The following CACNA2D2 variants were observed in gnomAD, a reference collection of about 807,000 sequenced individuals.
CACNA2D2 encodes the protein calcium voltage-gated channel auxiliary subunit alpha2delta 2, also known as voltage-dependent calcium channel subunit alpha-2/delta-2.
Under a neutral mutation model 166.4 loss-of-function variants are expected in CACNA2D2, and 48 were observed. The observed-to-expected ratio is 0.29, with a 90% CI of 0.23 to 0.37. CACNA2D2 has a LOEUF of 0.37. CACNA2D2 is among the 10% of genes least tolerant of loss of function. CACNA2D2 has a pLI of 1.00. For synonymous variants in CACNA2D2, 561 were observed against 573.7 expected (o/e 0.98, Z 0.32); for missense variants, 1,122 against 1,433.0 (o/e 0.78, Z 3.50).
In CACNA2D2 at chr3:50,456,950, A is replaced by G. The variant is rs772584543; in HGVS notation, c.288+19168T>C. 2.6e-5 allele frequency among the ~76,000 whole-genome samples: 4 copies of G among 152,206 alleles called. No homozygotes were observed. In the East Asian group the frequency reaches 5.8e-4, roughly 22 times the overall value. On this transcript the variant is annotated intron_variant, in intron 2 of 37. Coordinates refer to ENST00000424201, the MANE Select transcript of CACNA2D2 (RefSeq NM_006030.4). ...GTTCACTAGTGGAATGAAGCCCCCA[A>G]ATAAAATGATAAACTGGAGCCAGGT... is the stretch of plus-strand genomic sequence containing the variant.
At chr3:50,475,322 G>C (rs944847903) in intron 2 of CACNA2D2, among the ~76,000 whole-genome samples, 7 of 151,978 alleles carry the variant, frequency 4.6e-5, no homozygotes, top group African/African-American at 1.7e-4. Context: ...TGCTGTTCCC[G>C]AGCCAACTCT....
At position 50,380,333 on chromosome 3, in the gene CACNA2D2, C is replaced by T. The variant is rs1476010025; in HGVS notation, c.843-315G>A. 6.6e-6 allele frequency among the ~76,000 whole-genome samples: 1 copy of T among 152,160 alleles called. No homozygotes were observed. Among genetic ancestry groups the T allele is most frequent in the Non-Finnish European group, 1.5e-5 (1 of 68,042 alleles). Reference sequence around the variant, plus strand: ...CTGCCTCAGGTTGGGGCCCCGAGGGCACAGTCTAGCTGTGTATGGGATGGT... The same window carrying T: ...CTGCCTCAGGTTGGGGCCCCGAGGGTACAGTCTAGCTGTGTATGGGATGGT... On this transcript the variant is annotated intron_variant, in intron 8 of 37. Coordinates refer to ENST00000424201, the MANE Select transcript of CACNA2D2 (RefSeq NM_006030.4). This position sits in a 1 kb window ranked among gnomAD's most constrained non-coding sequence, Gnocchi z 4.9.
At chr3:50,472,370 G>A (rs1485459674) in intron 2 of CACNA2D2, among the ~76,000 whole-genome samples, 2 of 152,330 alleles carry the variant, frequency 1.3e-5, no homozygotes, top group Non-Finnish European at 2.9e-5. Flanking sequence ...AGGCTTCCAT[G>A]GGTCCAGAAT....
At chr3:50,432,210 G>C (rs1305304733) in intron 3 of CACNA2D2, among the ~76,000 whole-genome samples, 1 of 152,104 alleles carries the variant, frequency 6.6e-6, no homozygotes, top group Non-Finnish European at 1.5e-5. Context: ...AGGGGTGGGG[G>C]AAGTGGCTTG....
chr3:50,403,791 C>A (rs147384589), intron 3 of CACNA2D2, among the ~76,000 whole-genome samples: 1 of 152,330 alleles, frequency 6.6e-6, no homozygotes, highest in Non-Finnish European at 1.5e-5. Flanking sequence ...GTATCCCAAG[C>A]CTGGAGTGTC....
At chr3:50,423,429 T>G (rs1056470054) in intron 3 of CACNA2D2, among the ~76,000 whole-genome samples, 8 of 152,236 alleles carry the variant, frequency 5.3e-5, no homozygotes, top group Non-Finnish European at 1.0e-4. Context: ...AGAGACTGCC[T>G]GCCCTGCTGA....
At chr3:50,406,109 G>A (rs1706696828) in intron 3 of CACNA2D2, among the ~76,000 whole-genome samples, 1 of 151,802 alleles carries the variant, frequency 6.6e-6, no homozygotes, top group African/African-American at 2.4e-5. Context: ...TGGGATCACA[G>A]GTCATTGCCC....
chr3:50,435,543 G>A (rs895488492), intron 2 of CACNA2D2, among the ~76,000 whole-genome samples: 4 of 151,292 alleles, frequency 2.6e-5, no homozygotes, highest in African/African-American at 4.9e-5. Context: ...TAAGGAGGGG[G>A]GAGAGGCAGC....
In CACNA2D2 at chr3:50,376,824, A is replaced by C. The variant is rs1705023364; in HGVS notation, c.1627-636T>G. ...CACACCTCTCCCCCTTCCACAGGCCAAGATGCAGACTCCCTGACCGCAGGC... is the reference window on the plus strand; with the variant it reads ...CACACCTCTCCCCCTTCCACAGGCCCAGATGCAGACTCCCTGACCGCAGGC... On this transcript the variant is annotated intron_variant, in intron 17 of 37. Coordinates refer to ENST00000424201, the MANE Select transcript of CACNA2D2 (RefSeq NM_006030.4). This position sits in a 1 kb window ranked among gnomAD's most constrained non-coding sequence, Gnocchi z 4.3. 6.6e-6 allele frequency among the ~76,000 whole-genome samples: 1 copy of C among 152,190 alleles called. No homozygotes were observed. Among genetic ancestry groups the C allele is most frequent in the South Asian group, 2.1e-4 (1 of 4,834 alleles).
In CACNA2D2 at chr3:50,365,406, G is replaced by A. The variant is rs1394276545; in HGVS notation, c.3048C>T (p.Gly1016=). The part of the protein sequence containing the change: ...CVMKQTQYYF[G]SVNASYNAII... Reference sequence around the variant, plus strand: ...TGGCGTTGTAGGAGGCGTTTACCGAGCCGAAGTAGTACTGGGTCTGTTTCA... The same window carrying A: ...TGGCGTTGTAGGAGGCGTTTACCGAACCGAAGTAGTACTGGGTCTGTTTCA... The change falls in exon 35 of 38, where the codon GGC becomes GGT. Residue 1016 remains glycine, a synonymous_variant. Transcript: ENST00000424201. This position sits in a 1 kb window ranked among gnomAD's most constrained non-coding sequence, Gnocchi z 4.5. The A allele has an allele frequency of 1.2e-6, 2 of 1,613,648 alleles. No individual in the cohort carries two copies. The highest frequency in any genetic ancestry group is 1.7e-6 in the Non-Finnish European group (2 of 1,179,858).
rs587634877 is a variant in CACNA2D2, at chr3:50,365,038, G to C, written c.3208+37C>G. 5 of 1,599,364 alleles carry C rather than the reference G, an allele frequency of 3.1e-6. No homozygotes were observed. In the East Asian group the frequency reaches 9.0e-5, roughly 29 times the overall value. On this transcript the variant is annotated intron_variant, in intron 36 of 37. Coordinates refer to ENST00000424201, the MANE Select transcript of CACNA2D2 (RefSeq NM_006030.4). The surrounding 1 kb of genome is among the most constrained non-coding windows in gnomAD (Gnocchi z 4.5). ...GCACGGAGGGGGCGCGCGGGGCAGAGGGGGAGCGGGCGGCGGGGAGGGCGG... is the reference window on the plus strand; with the variant it reads ...GCACGGAGGGGGCGCGCGGGGCAGACGGGGAGCGGGCGGCGGGGAGGGCGG...
chr3:50,388,645 C>T (rs1308136630), intron 4 of CACNA2D2, among the ~76,000 whole-genome samples: 1 of 152,238 alleles, frequency 6.6e-6, no homozygotes, highest in Non-Finnish European at 1.5e-5. Flanking sequence ...ACCCGCTTCC[C>T]AAGGCCCAGC....
chr3:50,471,117 C>T (rs1004034550), intron 2 of CACNA2D2, among the ~76,000 whole-genome samples: 5 of 152,118 alleles, frequency 3.3e-5, no homozygotes, highest in South Asian at 2.1e-4. Flanking sequence ...CACCAGGAGA[C>T]GAGGGCACCG....
chr3:50,476,311 T>C, intron 1 of CACNA2D2, 112 bp from the exon 2 acceptor site: 1 of 765,344 alleles, frequency 1.3e-6, no homozygotes. Flanking sequence ...ACCCCAATTT[T>C]CACTAGAGGA....
In CACNA2D2 at chr3:50,443,804, C is replaced by G. The variant is rs544607207; in HGVS notation, c.289-9375G>C. Among the ~76,000 whole-genome samples, 4 of 152,300 alleles carry G rather than the reference C, an allele frequency of 2.6e-5. No individual in the cohort carries two copies. The East Asian group carries it at 7.7e-4, about 29-fold the overall frequency. On this transcript the variant is annotated intron_variant, in intron 2 of 37. Coordinates refer to ENST00000424201, the MANE Select transcript of CACNA2D2 (RefSeq NM_006030.4). Reference sequence around the variant, plus strand: ...AAAGTAAAGCCCCCTTTACCCACCTCTCAGGACTCAGGGACAGTGGGCTGG... The same window carrying G: ...AAAGTAAAGCCCCCTTTACCCACCTGTCAGGACTCAGGGACAGTGGGCTGG...
intron 3 of CACNA2D2, among the ~76,000 whole-genome samples, chr3:50,424,753 A>C (rs1047059168): frequency 2.6e-5 from 4 of 152,200 alleles, no homozygotes; most frequent in African/African-American, 9.7e-5. Flanking sequence ...TGAGGCACCC[A>C]GTATCCCAGG....
rs1488154367 is a variant in CACNA2D2 at position 50,421,864 on chromosome 3, G to A, written c.405+12449C>T. Among the ~76,000 whole-genome samples the A allele has an allele frequency of 2.0e-5, 3 of 152,080 alleles. No homozygotes were observed. In the East Asian group the frequency reaches 5.8e-4, roughly 29 times the overall value. On this transcript the variant is annotated intron_variant, in intron 3 of 37. Coordinates refer to ENST00000424201, the MANE Select transcript of CACNA2D2 (RefSeq NM_006030.4). Reference sequence around the variant, plus strand: ...CCATGCCCTCTGACCCCAAGTGACTGGGAACTGCTCACTGATGCACCCCAC... The same window carrying A: ...CCATGCCCTCTGACCCCAAGTGACTAGGAACTGCTCACTGATGCACCCCAC...
rs1347873439 is a variant in CACNA2D2 at position 50,444,483 on chromosome 3, A to G, written c.289-10054T>C. ...CAGCCAGGCCATCCTGGCATTCCTT[A>G]AAGATGGAAGTTCAAGTGTGGGGTG... On this transcript the variant is annotated intron_variant, in intron 2 of 37. Transcript: ENST00000424201. 2.0e-5 allele frequency among the ~76,000 whole-genome samples: 3 copies of G among 152,306 alleles called. No homozygotes were observed. In the East Asian group the frequency reaches 5.8e-4, roughly 29 times the overall value.
rs587614821 is a variant in CACNA2D2, at chr3:50,378,429, C to T, written c.1340-96G>A. 5.1e-5 allele frequency: 64 copies of T among 1,248,180 alleles called. No individual in the cohort carries two copies. The South Asian group carries it at 6.6e-4, about 13-fold the overall frequency. The allele number at this position is 1,248,180 out of a possible 1,614,324, so 77.3% of individuals were successfully genotyped here. ...CTGGGGTGTGTCTGCAGCCCTGCCT[C>T]GCCTCTTGGGCTCCTCTCTTTTTGG... On this transcript the variant is annotated intron_variant, in intron 13 of 37. Coordinates refer to ENST00000424201, the MANE Select transcript of CACNA2D2 (RefSeq NM_006030.4).
Sources: allele counts gnomAD v4.1 joint callset (sites outside exome capture counted in the v4.1 genomes callset), GRCh38; gene constraint gnomAD v4.1.1; non-coding constraint Gnocchi (gnomAD v3.1); transcripts MANE v1.5; gene names NCBI Gene and HGNC (gene_info 2026-07-23, HGNC 2026-07-21).